The following ELOVL2 variants were observed in gnomAD, a reference collection of about 807,000 sequenced individuals.
ELOVL2 encodes the protein very long chain fatty acid elongase 2.
A neutral mutation model predicts 37.7 loss-of-function variants in ELOVL2; 38 were observed. The ratio of observed to expected loss-of-function variants is 1.01; its 90% CI spans 0.78 to 1.32. The LOEUF (loss-of-function observed/expected upper bound fraction) is 1.32. ELOVL2 is among the 40% of genes most tolerant of loss of function. ELOVL2 has a pLI of 0.00. For synonymous variants in ELOVL2, 115 were observed against 122.3 expected (o/e 0.94, Z 0.40); for missense variants, 352 against 363.6 (o/e 0.97, Z 0.26).
chr6:11,010,210 G>A (rs536193569), intron 2 of ELOVL2, among the ~76,000 whole-genome samples: 1 of 152,170 alleles, frequency 6.6e-6, no homozygotes, highest in South Asian at 2.1e-4. Flanking sequence ...TTTTAGTAGA[G>A]ACGGGGTTTC....
At chr6:11,010,858 T>G (rs762839970) in intron 1 of ELOVL2, 49 bp from the exon 2 acceptor site, 3 of 1,479,332 alleles carry the variant, frequency 2.0e-6, no homozygotes, top group African/African-American at 1.4e-5. Flanking sequence ...CTTCTTTTTT[T>G]GAAACGGTCA....
At position 11,005,519 on chromosome 6, in the gene ELOVL2, A is replaced by G. The variant is rs1160215411; in HGVS notation, c.108T>C (p.Leu36=). 6.2e-6 allele frequency: 10 copies of G among 1,614,006 alleles called. No individual in the cohort carries two copies. Among genetic ancestry groups the G allele is most frequent in the Non-Finnish European group, 8.5e-6 (10 of 1,179,992 alleles). Residue 36 remains leucine, a synonymous_variant, in exon 3 of 8, where the codon CTT becomes CTC. Transcript: ENST00000354666. ...ACATGACAGTAAGAAAAAAGGTAGGAAGGTAAGAGTCCAACATGAACCACC... is the reference window on the plus strand; with the variant it reads ...ACATGACAGTAAGAAAAAAGGTAGGGAGGTAAGAGTCCAACATGAACCACC... ...VRGWFMLDSY[L]PTFFLTVMYL...
At chr6:11,000,739 C>CA (rs1782365673) in intron 3 of ELOVL2, among the ~76,000 whole-genome samples, 1 of 152,250 alleles carries the variant, frequency 6.6e-6, no homozygotes, top group Non-Finnish European at 1.5e-5. Context: ...CAACAAGCTC[C>CA]AAAAAATTTA....
chr6:11,013,500 G>A (rs1782619112), intron 1 of ELOVL2, among the ~76,000 whole-genome samples: 1 of 152,210 alleles, frequency 6.6e-6, no homozygotes, highest in South Asian at 2.1e-4. Context: ...CTTAGGAGCA[G>A]AGAAAAAGCA....
intron 1 of ELOVL2, among the ~76,000 whole-genome samples, chr6:11,014,725 A>T (rs1454118598): frequency 6.6e-6 from 1 of 152,136 alleles, no homozygotes; most frequent in Non-Finnish European, 1.5e-5. Context: ...ATTTCTCTAA[A>T]TCAAATCCCA....
Position 11,044,124 on chromosome 6 carries a change from C to A in ELOVL2, c.3+104G>T. On this transcript the variant is annotated intron_variant, in intron 1 of 7. Coordinates refer to ENST00000354666, the MANE Select transcript of ELOVL2 (RefSeq NM_017770.4). This position sits in a 1 kb window ranked among gnomAD's most constrained non-coding sequence, Gnocchi z 5.6. ...GTAGCGGGTTCCAGCGGCGAACCCGCAGCGCCCGCGCCGGCGCCCGCTCGG... is the reference window on the plus strand; with the variant it reads ...GTAGCGGGTTCCAGCGGCGAACCCGAAGCGCCCGCGCCGGCGCCCGCTCGG... 1 of 1,321,170 alleles carries A rather than the reference C, an allele frequency of 7.6e-7. No individual in the cohort carries two copies. The highest frequency in any genetic ancestry group is 1.8e-5 in the South Asian group (1 of 56,952). The allele number at this position is 1,321,170 out of a possible 1,614,324, so 81.8% of individuals were successfully genotyped here. A position where few individuals can be genotyped will look rare whatever the true frequency, so the allele number is the denominator to read the frequency against.
At chr6:11,022,817 AAT>A (rs59233658) in intron 1 of ELOVL2, among the ~76,000 whole-genome samples, 13,102 of 152,108 alleles carry the variant, frequency 0.086, 1,669 homozygotes, top group African/African-American at 0.28. Flanking sequence ...GACTATCATA[AAT>A]AGTCTCTTCT....
chr6:11,008,874 A>C (rs767272199), intron 2 of ELOVL2, among the ~76,000 whole-genome samples: 3 of 152,212 alleles, frequency 2.0e-5, no homozygotes, highest in Admixed American at 2.0e-4. Context: ...AAAATGGAGA[A>C]TGGCCTAAAT....
intron 4 of ELOVL2, among the ~76,000 whole-genome samples, chr6:10,997,083 A>C (rs1401353425): frequency 1.3e-5 from 2 of 152,182 alleles, no homozygotes; most frequent in Non-Finnish European, 2.9e-5. Context: ...ATAATATGTC[A>C]TGTTTAGTTA....
At chr6:11,008,270 T>C (rs1230575312) in intron 2 of ELOVL2, among the ~76,000 whole-genome samples, 1 of 152,172 alleles carries the variant, frequency 6.6e-6, no homozygotes, top group Non-Finnish European at 1.5e-5. Flanking sequence ...AAAGGAAAAT[T>C]CCATAAAATG....
At chr6:11,019,950 G>A (rs74804428) in intron 1 of ELOVL2, among the ~76,000 whole-genome samples, 1 of 152,140 alleles carries the variant, frequency 6.6e-6, no homozygotes, top group East Asian at 1.9e-4. Flanking sequence ...CACCATGTTG[G>A]CCAAGCCGGT....
intron 1 of ELOVL2, among the ~76,000 whole-genome samples, chr6:11,039,318 A>C (rs185911382): frequency 6.6e-6 from 1 of 152,350 alleles, no homozygotes; most frequent in East Asian, 1.9e-4. Context: ...CCCTCTGTTC[A>C]CCAGGCACAC....
chr6:10,985,539 A>AG (rs753936814), intron 7 of ELOVL2, among the ~76,000 whole-genome samples: 4 of 149,658 alleles, frequency 2.7e-5, no homozygotes, highest in African/African-American at 5.0e-5. Flanking sequence ...GGTGTAAGGA[A>AG]GGATCCAGTT....
chr6:11,000,073 T>C lies in ELOVL2; in HGVS notation c.333+14A>G, dbSNP rs1463352981. The C allele has an allele frequency of 1.9e-6, 3 of 1,613,414 alleles. No individual in the cohort carries two copies. Among genetic ancestry groups the C allele is most frequent in the Non-Finnish European group, 2.5e-6 (3 of 1,179,452 alleles). On this transcript the variant is annotated intron_variant, in intron 4 of 7. Transcript: ENST00000354666. ...AACTGGTTATAGTTGGTTGATTTGC[T>C]TCTAGTGGCTCACCCGGATGTCAGC...
chr6:10,998,457 ATGAAT>A (rs930607030), intron 4 of ELOVL2, among the ~76,000 whole-genome samples: 1 of 152,188 alleles, frequency 6.6e-6, no homozygotes, highest in African/African-American at 2.4e-5. Flanking sequence ...TTTTCCTAAA[ATGAAT>A]TGGTGCTCTA....
intron 1 of ELOVL2, among the ~76,000 whole-genome samples, chr6:11,012,773 T>C (rs1782606809): frequency 6.6e-6 from 1 of 152,226 alleles, no homozygotes; most frequent in African/African-American, 2.4e-5. Flanking sequence ...ATTGATTCAT[T>C]AACCAATTAT....
chr6:10,990,528 G>A (rs546590231), intron 5 of ELOVL2, 86 bp from the exon 6 acceptor site: 1 of 1,325,554 alleles, frequency 7.5e-7, no homozygotes, highest in Non-Finnish European at 1.0e-6. Flanking sequence ...TCTCTGCATG[G>A]TAATTGAAAA....
Position 10,990,380 on chromosome 6 carries a change from A to C in ELOVL2, c.568T>G (p.Ser190Ala). Reference protein sequence around the residue: ...HILMYSYYGLSVFPSMHKYLW... With the variant: ...HILMYSYYGLAVFPSMHKYLW... Reference sequence around the variant, plus strand: ...TACTTGTGCATAGATGGAAACACAGAAAGTCCATAGTAGGAGTACATAAGA... The same window carrying C: ...TACTTGTGCATAGATGGAAACACAGCAAGTCCATAGTAGGAGTACATAAGA... The change falls in exon 6 of 8, where the codon TCT becomes GCT. Residue 190 changes from serine (S) to alanine (A), a missense_variant. Coordinates refer to ENST00000354666, the MANE Select transcript of ELOVL2 (RefSeq NM_017770.4). The C allele has an allele frequency of 1.2e-6, 2 of 1,612,966 alleles. No individual in the cohort carries two copies. The highest frequency in any genetic ancestry group is 1.7e-6 in the Non-Finnish European group (2 of 1,179,524).
chr6:11,004,416 CTTTTT>C, intron 3 of ELOVL2, among the ~76,000 whole-genome samples: 1 of 142,022 alleles, frequency 7.0e-6, no homozygotes, highest in Non-Finnish European at 1.6e-5. Context: ...CTTTGTCCCT[CTTTTT>C]TTTTTTTTTT....
Sources: gnomAD v4.1 joint callset for allele counts (sites outside exome capture counted in the v4.1 genomes callset) on GRCh38, gnomAD v4.1.1 for gene constraint, Gnocchi (gnomAD v3.1) non-coding constraint, MANE v1.5 for transcripts, NCBI Gene and HGNC (gene_info 2026-07-23, HGNC 2026-07-21) for gene names.